RAD9A: variants seen among roughly 807,000 people sequenced by gnomAD.
RAD9A encodes the protein RAD9 checkpoint clamp component A, also known as cell cycle checkpoint control protein RAD9A.
A neutral mutation model predicts 41.2 loss-of-function variants in RAD9A; 25 were observed. The observed-to-expected ratio is 0.61, with a 90% confidence interval of 0.44 to 0.85. The LOEUF (loss-of-function observed/expected upper bound fraction) is 0.85, where lower values mean the gene tolerates loss of function less well. RAD9A is among the 40% of genes least tolerant of loss of function. The pLI is 0.00. For missense variants in RAD9A, 514 were observed against 518.3 expected (o/e 0.99, Z 0.08); for synonymous variants, 252 against 210.6 (o/e 1.20, Z -1.70).
intron 3 of RAD9A, 154 bp from the exon 4 acceptor site, chr11:67,393,342 G>GA: frequency 4.3e-6 from 6 of 1,391,820 alleles, no homozygotes; most frequent in Non-Finnish European, 5.6e-6. Flanking sequence ...GGAAGAGCAT[G>GA]AATGAGGCCT....
In RAD9A at chr11:67,393,485, AT is replaced by A; in HGVS notation, c.235-10del. 1 of 1,614,016 alleles carries A rather than the reference AT, an allele frequency of 6.2e-7. No individual in the cohort carries two copies. On this transcript the variant is annotated splice_polypyrimidine_tract_variant and intron_variant, in intron 3 of 10. Coordinates refer to ENST00000307980, the MANE Select transcript of RAD9A (RefSeq NM_004584.3). ...ATGTGATGCTAGGCTGAGGTGTCTT[AT>A]CCCATGCAGTCTTTCCTGTCTGTCT...
intron 3 of RAD9A, 106 bp downstream of exon 3, chr11:67,392,888 G>A (rs1862570607): frequency 1.4e-6 from 2 of 1,427,966 alleles, no homozygotes; most frequent in Admixed American, 1.9e-5. Flanking sequence ...AGAGAGACAC[G>A]TGCAAGCCCA....
chr11:67,397,798 AACT>A lies in RAD9A; in HGVS notation c.*243_*245del, dbSNP rs1382528857. The A allele has an allele frequency of 5.2e-5, 28 of 539,872 alleles. No individual in the cohort carries two copies. The highest frequency in any genetic ancestry group is 8.9e-5 in the Non-Finnish European group (27 of 304,322). The allele number at this position is 539,872 out of a possible 1,614,324, so 33.4% of individuals were successfully genotyped here. A position where few individuals can be genotyped will look rare whatever the true frequency, so the allele number is the denominator to read the frequency against. On this transcript the variant is annotated 3_prime_UTR_variant, in exon 11 of 11. Coordinates refer to ENST00000307980, the MANE Select transcript of RAD9A (RefSeq NM_004584.3). ...TCAGGACTTTCCAGACTTGGCCCTG[AACT>A]ACTGACGTTCCTACCTCTTATTTCT... is the stretch of plus-strand genomic sequence containing the variant.
chr11:67,396,551 A>G (rs1862704928), intron 9 of RAD9A, 151 bp downstream of exon 9: 1 of 1,001,698 alleles, frequency 1.0e-6, no homozygotes, highest in South Asian at 1.8e-5. Context: ...TATAGTGCTC[A>G]CAGCTGCCAG....
intron 9 of RAD9A, 97 bp from the exon 10 acceptor site, chr11:67,397,082 G>C (rs776415210): frequency 1.2e-6 from 1 of 831,512 alleles, no homozygotes; most frequent in Non-Finnish European, 2.0e-6. Context: ...GAGATCTCCA[G>C]TGGTCGGGGG....
At chr11:67,393,413 C>G in intron 3 of RAD9A, 83 bp from the exon 4 acceptor site, 3 of 1,550,908 alleles carry the variant, frequency 1.9e-6, no homozygotes, top group Non-Finnish European at 2.6e-6. Flanking sequence ...CATGCTGGGC[C>G]CATGATGGGT....
intron 2 of RAD9A, 54 bp downstream of exon 2, chr11:67,392,285 C>A: frequency 1.4e-6 from 2 of 1,441,182 alleles, no homozygotes; most frequent in Non-Finnish European, 1.9e-6. Flanking sequence ...AGCGGGTAAC[C>A]CGGACTAGAG....
At position 67,393,573 on chromosome 11, in the gene RAD9A, G is replaced by A. The variant is rs144294253; in HGVS notation, c.312G>A (p.Arg104=). Residue 104 remains arginine, a synonymous_variant, in exon 4 of 11, where the codon CGG becomes CGA. Transcript: ENST00000307980. ...VEKCCISLNG[R]SSRLVVQLHC... ...AATGCTGCATCTCCCTGAATGGCCG[G>A]AGCAGCCGCCTGGTGGTCCAGCTGC... 11 of 1,614,092 alleles carry A rather than the reference G, an allele frequency of 6.8e-6. No homozygotes were observed. The African/African-American group carries it at 1.3e-4, about 20-fold the overall frequency.
rs1372351522 is a variant in RAD9A, at chr11:67,392,931, A to G, written c.234+149A>G. The G allele has an allele frequency of 8.6e-6, 10 of 1,162,844 alleles. No individual in the cohort carries two copies. The East Asian group carries it at 2.4e-4, about 28-fold the overall frequency. The allele number at this position is 1,162,844 out of a possible 1,614,324, so 72.0% of individuals were successfully genotyped here. A position where few individuals can be genotyped will look rare whatever the true frequency, so the allele number is the denominator to read the frequency against. On this transcript the variant is annotated intron_variant, in intron 3 of 10. Transcript: ENST00000307980. Reference sequence around the variant, plus strand: ...CAAAACACAGGGAGGGCCATGGTAAAAGCATCACAGCGGGGACCTGAGAGG... The same window carrying G: ...CAAAACACAGGGAGGGCCATGGTAAGAGCATCACAGCGGGGACCTGAGAGG...
Position 67,397,617 on chromosome 11 carries a change from G to T in RAD9A, c.*58G>T, listed in dbSNP as rs1311212242. 7.0e-7 allele frequency: 1 copy of T among 1,430,728 alleles called. No individual in the cohort carries two copies. The highest frequency in any genetic ancestry group is 9.6e-7 in the Non-Finnish European group (1 of 1,037,782). 88.6% of individuals were successfully genotyped at this position (1,430,728 alleles called of 1,614,324 possible). ...TGGACTAGACGAAGCCCCAGCCAGT[G>T]GCAGAACTGGGTCTCTCAGCCCTGG... is the stretch of plus-strand genomic sequence containing the variant. On this transcript the variant is annotated 3_prime_UTR_variant, in exon 11 of 11. Coordinates refer to ENST00000307980, the MANE Select transcript of RAD9A (RefSeq NM_004584.3).
At chr11:67,396,475 C>G in intron 9 of RAD9A, 75 bp downstream of exon 9, 1 of 1,532,792 alleles carries the variant, frequency 6.5e-7, no homozygotes, top group Non-Finnish European at 8.9e-7. Flanking sequence ...CTCCTAGCTT[C>G]TGCACCTCCC....
At chr11:67,395,339 T>C (rs1862650179) in intron 5 of RAD9A, 1 of 219,432 alleles carries the variant, frequency 4.6e-6, no homozygotes, top group East Asian at 1.0e-4. Flanking sequence ...TTCAAATATA[T>C]GTAAAAGCAG....
intron 9 of RAD9A, among the ~76,000 whole-genome samples, chr11:67,396,849 C>T (rs553786338): frequency 1.3e-5 from 2 of 152,236 alleles, no homozygotes; most frequent in Admixed American, 1.3e-4. Flanking sequence ...TGCTTTCCAG[C>T]TCCTGTCCCC....
chr11:67,395,872 GA>G (rs1862677070), intron 6 of RAD9A, 39 bp from the exon 7 acceptor site: 4 of 1,612,398 alleles, frequency 2.5e-6, no homozygotes, highest in African/African-American at 2.7e-5. Flanking sequence ...GCAGGTGGGA[GA>G]GGGGCGGGGC....
intron 5 of RAD9A, 189 bp from the exon 6 acceptor site, chr11:67,395,527 G>T: frequency 1.7e-6 from 1 of 589,612 alleles, no homozygotes; most frequent in Non-Finnish European, 3.0e-6. Flanking sequence ...ATGGTCAGGT[G>T]CCGCCTGCCA....
rs1476958787 is a variant in RAD9A, at chr11:67,395,708, G to T, written c.450-8G>T. On this transcript the variant is annotated splice_polypyrimidine_tract_variant and splice_region_variant and intron_variant, in intron 5 of 10. Coordinates refer to ENST00000307980, the MANE Select transcript of RAD9A (RefSeq NM_004584.3). ...GGCATTTCGGGTAATGCTCCACCCT[G>T]TTCACAGGGTTCTGGGGGAGGCTGT... 8.2e-6 allele frequency: 13 copies of T among 1,588,424 alleles called. No homozygotes were observed. Among genetic ancestry groups the T allele is most frequent in the African/African-American group, 1.3e-5 (1 of 74,314 alleles).
At chr11:67,395,442 G>A (rs978455150) in intron 5 of RAD9A, 4 of 486,900 alleles carry the variant, frequency 8.2e-6, no homozygotes, top group Non-Finnish European at 1.5e-5. Context: ...AGGATTTCAG[G>A]GCTCTTTCTG....
In RAD9A at chr11:67,395,747, C is replaced by T; in HGVS notation, c.481C>T (p.Pro161Ser). 1 of 1,612,464 alleles carries T rather than the reference C, an allele frequency of 6.2e-7. No homozygotes were observed. The highest frequency in any genetic ancestry group is 8.5e-7 in the Non-Finnish European group (1 of 1,179,216). Residue 161 changes from proline (P) to serine (S), a missense_variant, in exon 6 of 11, where the codon CCT (proline) becomes TCT (serine). By Grantham distance (74) the Pro-to-Ser change is moderately conservative. Around this residue, in one of 3 missense-constraint regions of RAD9A, gnomAD observed 268 missense variants for 279.3 expected, o/e 0.96. Transcript: ENST00000307980. Reference sequence around the variant, plus strand: ...GGGGGAGGCTGTTCTGCCCTTCTCTCCTGCACTGGCTGAAGTGACGCTGGG... The same window carrying T: ...GGGGGAGGCTGTTCTGCCCTTCTCTTCTGCACTGGCTGAAGTGACGCTGGG... ...VLGEAVLPFSPALAEVTLGIG... is the reference protein window; with the variant it reads ...VLGEAVLPFSSALAEVTLGIG...
chr11:67,392,288 G>A lies in RAD9A; in HGVS notation c.105+57G>A, dbSNP rs1175262029. ...ACTCCAGCCGGGAGCGGGTAACCCG[G>A]ACTAGAGTCTCGCCCCCACTAGGCG... On this transcript the variant is annotated intron_variant, in intron 2 of 10. Transcript: ENST00000307980. 8 of 1,414,734 alleles carry A rather than the reference G, an allele frequency of 5.7e-6. No homozygotes were observed. The African/African-American group carries it at 8.5e-5, about 15-fold the overall frequency. 87.6% of individuals were successfully genotyped at this position (1,414,734 alleles called of 1,614,324 possible). A position where few individuals can be genotyped will look rare whatever the true frequency, so the allele number is the denominator to read the frequency against.
Sources: allele counts gnomAD v4.1 joint callset (sites outside exome capture counted in the v4.1 genomes callset), GRCh38; gene constraint gnomAD v4.1.1; regional missense constraint gnomAD v4.1.1; transcripts MANE v1.5; gene names NCBI Gene and HGNC (gene_info 2026-07-23, HGNC 2026-07-21).